The following TSNARE1 variants were observed in gnomAD, a reference collection of about 807,000 sequenced individuals.
TSNARE1 encodes t-SNARE domain-containing protein 1.
A neutral mutation model predicts 62.0 loss-of-function variants in TSNARE1; 49 were observed. The ratio of observed to expected loss-of-function variants is 0.79; its 90% confidence interval spans 0.63 to 1.00. The LOEUF (loss-of-function observed/expected upper bound fraction) is 1.00. TSNARE1 is among the 50% of genes least tolerant of loss of function. The pLI is 0.00. For synonymous variants in TSNARE1, 328 were observed against 294.4 expected (o/e 1.11, Z -1.17); for missense variants, 755 against 700.1 (o/e 1.08, Z -0.88).
chr8:142,345,921 ACTCTCAGCTCAGGGCG>A, intron 2 of TSNARE1, 29 bp from the exon 3 acceptor site: 1 of 1,600,422 alleles, frequency 6.2e-7, no homozygotes, highest in Non-Finnish European at 8.5e-7. Flanking sequence ...AGTCACGATT[ACTCTCAGCTCAGGGCG>A]CTCCTGGCAG....
chr8:142,230,534 G>A (rs1324097497), intron 12 of TSNARE1, among the ~76,000 whole-genome samples: 2 of 152,142 alleles, frequency 1.3e-5, no homozygotes, highest in Non-Finnish European at 2.9e-5. Flanking sequence ...AGACAAGGAT[G>A]CCAGACAGGC....
intron 4 of TSNARE1, among the ~76,000 whole-genome samples, chr8:142,332,687 T>G (rs1365908478): frequency 6.6e-6 from 1 of 151,732 alleles, no homozygotes; most frequent in Non-Finnish European, 1.5e-5. Context: ...ATGGGAAGGG[T>G]CTGCAGGCTG....
intron 12 of TSNARE1, among the ~76,000 whole-genome samples, chr8:142,234,105 A>T (rs1404819834): frequency 6.6e-6 from 1 of 152,234 alleles, no homozygotes; most frequent in Non-Finnish European, 1.5e-5. Context: ...AGGCTCCAAG[A>T]TGGCTCCATG....
At chr8:142,216,058 T>TCCCC (rs1815817539) in intron 13 of TSNARE1, among the ~76,000 whole-genome samples, 5 of 152,114 alleles carry the variant, frequency 3.3e-5, no homozygotes, top group African/African-American at 1.2e-4. Flanking sequence ...ATGGGGCAGA[T>TCCCC]CTGAGGGGGA....
intron 13 of TSNARE1, among the ~76,000 whole-genome samples, chr8:142,222,209 TCCGCTCATTCAC>T (rs1563754724): frequency 3.6e-5 from 1 of 27,592 alleles, no homozygotes; most frequent in Non-Finnish European, 7.5e-5. Flanking sequence ...CACTCACTCA[TCCGCTCATTCAC>T]TCACTCATCC....
chr8:142,343,613 A>C (rs1832892896), intron 4 of TSNARE1, among the ~76,000 whole-genome samples: 1 of 151,716 alleles, frequency 6.6e-6, no homozygotes, highest in South Asian at 2.1e-4. Context: ...GCAGGGAGAC[A>C]AAATTTACTA....
At chr8:142,324,052 C>T (rs752892236) in intron 6 of TSNARE1, among the ~76,000 whole-genome samples, 9 of 152,226 alleles carry the variant, frequency 5.9e-5, no homozygotes, top group Non-Finnish European at 1.0e-4. Flanking sequence ...GCTAGCTGTA[C>T]ATTGAGAGAG....
chr8:142,303,304 C>A (rs1826078358), intron 9 of TSNARE1, among the ~76,000 whole-genome samples: 1 of 152,136 alleles, frequency 6.6e-6, no homozygotes, highest in Non-Finnish European at 1.5e-5. Flanking sequence ...GATCACCTCC[C>A]CTGGAGCAGT....
At chr8:142,231,257 T>C (rs1226244742) in intron 12 of TSNARE1, among the ~76,000 whole-genome samples, 2 of 152,234 alleles carry the variant, frequency 1.3e-5, no homozygotes, top group African/African-American at 4.8e-5. Flanking sequence ...GCTACCTGTG[T>C]TCTTGGCCAG....
chr8:142,223,185 T>TTCATCCACTCACTCATTCATCCACTCAC (rs1563756937), intron 13 of TSNARE1, among the ~76,000 whole-genome samples: 19,490 of 44,620 alleles, frequency 0.44, 7,644 homozygotes, highest in Middle Eastern at 0.61. Context: ...TATTCACTCA[T>TTCATCCACTCACTCATTCATCCACTCAC]TCACTCGTTC....
intron 12 of TSNARE1, among the ~76,000 whole-genome samples, chr8:142,255,220 C>T (rs905547497): frequency 3.9e-5 from 6 of 151,994 alleles, no homozygotes; most frequent in African/African-American, 1.5e-4. Flanking sequence ...CCCATTCTCC[C>T]AGTGCCCTAT....
At position 142,293,132 on chromosome 8, in the gene TSNARE1, G is replaced by A. The variant is rs557419372; in HGVS notation, c.1290+7354C>T. Among the ~76,000 whole-genome samples the A allele has an allele frequency of 2.0e-5, 3 of 152,240 alleles. No individual in the cohort carries two copies. The South Asian group carries it at 6.2e-4, about 32-fold the overall frequency. ...ACGCAAACCCCTCCCTCGAGCAGCC[G>A]CACCGCAGGCCATCAGCAGCATCTG... On this transcript the variant is annotated intron_variant, in intron 10 of 13. Coordinates refer to ENST00000524325, the MANE Select transcript of TSNARE1 (RefSeq NM_145003.5).
intron 11 of TSNARE1, chr8:142,276,226 C>T (rs887910966): frequency 1.1e-5 from 11 of 985,342 alleles, no homozygotes; most frequent in Non-Finnish European, 1.3e-5. Flanking sequence ...CTCGGCCGCT[C>T]CTGGAGCAAA....
chr8:142,313,916 T>A (rs1168321284), intron 9 of TSNARE1, among the ~76,000 whole-genome samples: 1 of 152,212 alleles, frequency 6.6e-6, no homozygotes, highest in Non-Finnish European at 1.5e-5. Context: ...GTAGCTGGGA[T>A]GACAGGTGCT....
chr8:142,259,205 A>T (rs34259915), intron 12 of TSNARE1, among the ~76,000 whole-genome samples: 1 of 152,018 alleles, frequency 6.6e-6, no homozygotes, highest in African/African-American at 2.4e-5. Flanking sequence ...CAGCACCCCA[A>T]CTCCCGTGAC....
At chr8:142,229,197 G>A (rs1432318784) in intron 13 of TSNARE1, among the ~76,000 whole-genome samples, 1 of 151,696 alleles carries the variant, frequency 6.6e-6, no homozygotes, top group Non-Finnish European at 1.5e-5. Context: ...ATGGTGAATG[G>A]GTGGATAGAA....
intron 7 of TSNARE1, 40 bp downstream of exon 7, chr8:142,318,504 T>A: frequency 6.3e-7 from 1 of 1,586,880 alleles, no homozygotes; most frequent in Non-Finnish European, 8.6e-7. Flanking sequence ...GAGGGGTCCA[T>A]TCCTCTCCTC....
chr8:142,299,841 A>T (rs775923742), intron 10 of TSNARE1, among the ~76,000 whole-genome samples: 27 of 152,280 alleles, frequency 1.8e-4, no homozygotes, highest in Admixed American at 5.9e-4. Flanking sequence ...AACTGTCTTA[A>T]GAGATTAACC....
chr8:142,354,388 T>G (rs1447338537), intron 2 of TSNARE1, among the ~76,000 whole-genome samples: 1 of 151,928 alleles, frequency 6.6e-6, no homozygotes, highest in Admixed American at 6.5e-5. Flanking sequence ...GTGCTCTAAG[T>G]GCCAGCTCCA....
Sources: allele counts gnomAD v4.1 joint callset (sites outside exome capture counted in the v4.1 genomes callset), GRCh38; gene constraint gnomAD v4.1.1; transcripts MANE v1.5; gene names NCBI Gene and HGNC (gene_info 2026-07-23, HGNC 2026-07-21).